Variants in SLC8A1 observed in about 807,000 individuals in gnomAD.
SLC8A1 encodes the protein solute carrier family 8 member A1, also known as sodium/calcium exchanger 1.
In SLC8A1, 18 loss-of-function variants were observed where a neutral mutation model predicts 68.3. The observed-to-expected ratio is 0.26, with a 90% confidence interval of 0.18 to 0.39. The LOEUF (loss-of-function observed/expected upper bound fraction) is 0.39. SLC8A1 is among the 10% of genes least tolerant of loss of function. The probability of loss-of-function intolerance (pLI) is 1.00; values close to 1 mark genes in which losing one functional copy is unlikely to be tolerated. For missense variants in SLC8A1, 985 were observed against 1,156.7 expected (o/e 0.85, Z 2.15); for synonymous variants, 475 against 415.5 (o/e 1.14, Z -1.74).
At chr2:40,214,728 G>A (rs1211240784) in intron 2 of SLC8A1, among the ~76,000 whole-genome samples, 1 of 152,090 alleles carries the variant, frequency 6.6e-6, no homozygotes, top group Non-Finnish European at 1.5e-5. Context: ...GTGAGCCACT[G>A]CATCCGGCCT....
intron 2 of SLC8A1, among the ~76,000 whole-genome samples, chr2:40,189,428 C>G (rs1399507603): frequency 6.6e-6 from 1 of 152,174 alleles, no homozygotes; most frequent in Admixed American, 6.5e-5. Flanking sequence ...TCAAGTGATT[C>G]TCCTGCCTCA....
At chr2:40,418,379 G>C (rs944523981) in intron 2 of SLC8A1, among the ~76,000 whole-genome samples, 1 of 152,078 alleles carries the variant, frequency 6.6e-6, no homozygotes. Flanking sequence ...AACCCACAAA[G>C]GGTTCTTCTT....
At chr2:40,508,248 A>G (rs1246090539) in intron 1 of SLC8A1, among the ~76,000 whole-genome samples, 1 of 152,046 alleles carries the variant, frequency 6.6e-6, no homozygotes, top group African/African-American at 2.4e-5. Context: ...CACCTGGTTC[A>G]GAAAATGATT....
chr2:40,382,428 T>G (rs1437518276), intron 2 of SLC8A1, among the ~76,000 whole-genome samples: 1 of 152,104 alleles, frequency 6.6e-6, no homozygotes, highest in East Asian at 1.9e-4. Context: ...TACATCACTT[T>G]TGTTACCGTA....
At chr2:40,454,355 A>C (rs978596071), upstream of SLC8A1, among the ~76,000 whole-genome samples, 3 of 152,022 alleles carry the variant, frequency 2.0e-5, no homozygotes, top group East Asian at 5.8e-4. Context: ...TCTTATTGCT[A>C]TGACGGGCCG....
intron 2 of SLC8A1, among the ~76,000 whole-genome samples, chr2:40,255,724 T>C (rs1489043443): frequency 6.6e-6 from 1 of 152,210 alleles, no homozygotes; most frequent in Admixed American, 6.5e-5. Flanking sequence ...TCTGCCTTAA[T>C]TGACAAACTA....
chr2:40,281,206 T>C (rs560489898), intron 2 of SLC8A1, among the ~76,000 whole-genome samples: 6 of 152,124 alleles, frequency 3.9e-5, no homozygotes, highest in Non-Finnish European at 8.8e-5. Flanking sequence ...GTCTTAGCTT[T>C]TCAAAGAATT....
chr2:40,297,090 TC>T (rs1428215806), intron 2 of SLC8A1, among the ~76,000 whole-genome samples: 1 of 152,164 alleles, frequency 6.6e-6, no homozygotes, highest in Non-Finnish European at 1.5e-5. Context: ...CATGGTATTC[TC>T]CTGATCTTAC....
intron 1 of SLC8A1, among the ~76,000 whole-genome samples, chr2:40,431,447 C>T (rs1462018583): frequency 6.6e-6 from 1 of 152,068 alleles, no homozygotes; most frequent in Non-Finnish European, 1.5e-5. Context: ...GTGAGCAGCA[C>T]ACAAAGCTTG....
At chr2:40,393,737 G>C (rs889601692) in intron 2 of SLC8A1, among the ~76,000 whole-genome samples, 21 of 152,086 alleles carry the variant, frequency 1.4e-4, no homozygotes, top group Admixed American at 1.1e-3. Flanking sequence ...GTAACAATTA[G>C]ATACTACAGT....
chr2:40,211,736 C>T (rs961684320), intron 2 of SLC8A1, among the ~76,000 whole-genome samples: 1 of 152,154 alleles, frequency 6.6e-6, no homozygotes, highest in Non-Finnish European at 1.5e-5. Context: ...AATCAGTCAT[C>T]CTTAAGGGGC....
intron 2 of SLC8A1, among the ~76,000 whole-genome samples, chr2:40,244,602 C>A (rs1335246447): frequency 1.4e-5 from 2 of 147,264 alleles, no homozygotes; most frequent in Non-Finnish European, 3.0e-5. Context: ...CCAAACCCCA[C>A]AAACTTTCTG....
intron 2 of SLC8A1, among the ~76,000 whole-genome samples, chr2:40,352,252 G>T (rs1042629700): frequency 1.3e-5 from 2 of 152,028 alleles, no homozygotes; most frequent in African/African-American, 4.8e-5. Context: ...CTCATTTAGG[G>T]AATTAAAAAA....
At chr2:40,494,261 G>A (rs890502039) in intron 1 of SLC8A1, among the ~76,000 whole-genome samples, 2 of 151,996 alleles carry the variant, frequency 1.3e-5, no homozygotes, top group African/African-American at 4.8e-5. Flanking sequence ...AGAAAACCCT[G>A]TTTAGTGCAA....
chr2:40,387,794 G>C (rs117035266), intron 2 of SLC8A1, among the ~76,000 whole-genome samples: 3,197 of 151,770 alleles, frequency 0.021, 220 homozygotes, highest in East Asian at 0.19. Flanking sequence ...AAAAATTAGC[G>C]GGTGTGGTGG....
intron 2 of SLC8A1, among the ~76,000 whole-genome samples, chr2:40,393,136 CAG>C (rs1448321853): frequency 2.6e-5 from 4 of 152,052 alleles, no homozygotes; most frequent in African/African-American, 9.7e-5. Flanking sequence ...CTCCGTTTTA[CAG>C]AGTTATAACA....
At chr2:40,319,452 A>C (rs1256100535) in intron 2 of SLC8A1, among the ~76,000 whole-genome samples, 1 of 152,034 alleles carries the variant, frequency 6.6e-6, no homozygotes, top group African/African-American at 2.4e-5. Flanking sequence ...TAATTCTTGG[A>C]GCTTCCTTTG....
At chr2:40,483,280 T>C (rs34272753) in intron 1 of SLC8A1, among the ~76,000 whole-genome samples, 1 of 150,228 alleles carries the variant, frequency 6.7e-6, no homozygotes, top group Non-Finnish European at 1.5e-5. Context: ...TGTTAAAAAA[T>C]ATATATATAT....
At chr2:40,177,338 T>C (rs1306391015) in intron 3 of SLC8A1, among the ~76,000 whole-genome samples, 1 of 152,202 alleles carries the variant, frequency 6.6e-6, no homozygotes, top group Non-Finnish European at 1.5e-5. Context: ...TAATAGGTAT[T>C]AAGCAGTTTC....
Sources: allele counts gnomAD v4.1 joint callset (sites outside exome capture counted in the v4.1 genomes callset), GRCh38; gene constraint gnomAD v4.1.1; transcripts MANE v1.5; gene names NCBI Gene and HGNC (gene_info 2026-07-23, HGNC 2026-07-21).